The following PRR16 variants were observed in gnomAD, a reference collection of about 807,000 sequenced individuals.
PRR16 encodes proline rich 16.
In PRR16, 6 loss-of-function variants were observed where a neutral mutation model predicts 18.2. The observed-to-expected ratio is 0.33, with a 90% CI of 0.18 to 0.65. The LOEUF is 0.65. PRR16 is among the 30% of genes least tolerant of loss of function. The pLI, the probability that PRR16 is intolerant of heterozygous loss-of-function variation, is 0.74. For missense variants in PRR16, 412 were observed against 376.6 expected (o/e 1.09, Z -0.78); for synonymous variants, 151 against 147.8 (o/e 1.02, Z -0.16).
intron 1 of PRR16, among the ~76,000 whole-genome samples, chr5:120,583,557 A>T (rs962813165): frequency 6.6e-6 from 1 of 152,150 alleles, no homozygotes; most frequent in East Asian, 1.9e-4. Flanking sequence ...AATTTTCTTT[A>T]TGGACCATGA....
chr5:120,530,493 A>T (rs1254589644), intron 1 of PRR16, among the ~76,000 whole-genome samples: 3 of 151,196 alleles, frequency 2.0e-5, no homozygotes, highest in Non-Finnish European at 4.4e-5. Flanking sequence ...TACTTTTTGT[A>T]GTCCCCCATA....
the PRR16 span, among the ~76,000 whole-genome samples, chr5:120,764,124 A>C: frequency 4.6e-5 from 7 of 151,632 alleles, no homozygotes; most frequent in Non-Finnish European, 7.4e-5. Flanking sequence ...AAGAAGACAT[A>C]TTTGTCTTGT....
At chr5:120,646,717 T>A (rs1755614580) in intron 1 of PRR16, among the ~76,000 whole-genome samples, 1 of 152,006 alleles carries the variant, frequency 6.6e-6, no homozygotes, top group Non-Finnish European at 1.5e-5. Flanking sequence ...GCTGTATCAA[T>A]ATTTGGAAAG....
the PRR16 span, among the ~76,000 whole-genome samples, chr5:120,694,188 G>A: frequency 1.3e-5 from 2 of 152,080 alleles, no homozygotes; most frequent in Non-Finnish European, 2.9e-5. Flanking sequence ...TGTTAATATG[G>A]TGGATTGTTT....
At chr5:120,614,188 G>A (rs1224938672) in intron 1 of PRR16, among the ~76,000 whole-genome samples, 1 of 152,164 alleles carries the variant, frequency 6.6e-6, no homozygotes, top group African/African-American at 2.4e-5. Flanking sequence ...TGAGCATAAA[G>A]GAAACAAGGA....
chr5:120,490,660 T>C (rs1440263531), intron 1 of PRR16, among the ~76,000 whole-genome samples: 1 of 152,252 alleles, frequency 6.6e-6, no homozygotes, highest in African/African-American at 2.4e-5. Flanking sequence ...CCTGTCAAAG[T>C]CATTCTCTGT....
chr5:120,549,353 C>T (rs1392642753), intron 1 of PRR16, among the ~76,000 whole-genome samples: 3 of 152,164 alleles, frequency 2.0e-5, no homozygotes, highest in Admixed American at 1.3e-4. Flanking sequence ...CTGAAAATAT[C>T]GTTGTGAGCC....
chr5:120,729,054 A>G, the PRR16 span, among the ~76,000 whole-genome samples: 1 of 152,060 alleles, frequency 6.6e-6, no homozygotes, highest in Non-Finnish European at 1.5e-5. Context: ...GGGTTCTGAT[A>G]GCATATTTTT....
the PRR16 span, among the ~76,000 whole-genome samples, chr5:120,752,698 T>A: frequency 6.6e-6 from 1 of 151,954 alleles, no homozygotes; most frequent in African/African-American, 2.4e-5. Context: ...AGCTCAGAAG[T>A]TTAAAGAATG....
chr5:120,764,575 C>T, the PRR16 span, among the ~76,000 whole-genome samples: 3 of 151,694 alleles, frequency 2.0e-5, no homozygotes, highest in Non-Finnish European at 2.9e-5. Flanking sequence ...AACTAGTTGG[C>T]GAGGTGGCCT....
the PRR16 span, among the ~76,000 whole-genome samples, chr5:120,754,653 T>C: frequency 7.5e-6 from 1 of 133,216 alleles, no homozygotes; most frequent in Non-Finnish European, 1.5e-5. Flanking sequence ...ATTTATATAT[T>C]ATATATTAAG....
intron 1 of PRR16, among the ~76,000 whole-genome samples, chr5:120,629,881 G>GCCCAGA (rs10645024): frequency 0.16 from 24,262 of 151,828 alleles, 2,340 homozygotes; most frequent in South Asian, 0.22. Context: ...CTGCATTGTT[G>GCCCAGA]CTTTCGAGAA....
chr5:120,716,497 G>A, the PRR16 span, among the ~76,000 whole-genome samples: 3 of 152,184 alleles, frequency 2.0e-5, no homozygotes, highest in East Asian at 5.8e-4. Context: ...ACCAGCCCTA[G>A]CCCTTTAAAG....
chr5:120,649,700 A>G (rs1285398838), intron 1 of PRR16, among the ~76,000 whole-genome samples: 1 of 152,118 alleles, frequency 6.6e-6, no homozygotes, highest in African/African-American at 2.4e-5. Context: ...GATTAAGAAA[A>G]TATTTTACAT....
At chr5:120,561,565 G>T (rs1056468939) in intron 1 of PRR16, among the ~76,000 whole-genome samples, 2 of 152,102 alleles carry the variant, frequency 1.3e-5, no homozygotes, top group Non-Finnish European at 2.9e-5. Flanking sequence ...TGACCCATAT[G>T]CTGAAGAAAA....
In PRR16 at chr5:120,467,489, A is replaced by G. The variant is rs138714827; in HGVS notation, c.159+2844A>G. On this transcript the variant is annotated intron_variant, in intron 1 of 1. Transcript: ENST00000407149. ...TTTTTGTGTAATTTCTGCACCAACA[A>G]TATTAAACTTTGGTTTGAGGTTACT... Among the ~76,000 whole-genome samples, 467 of 152,248 alleles carry G rather than the reference A, an allele frequency of 3.1e-3. 4 individuals are homozygous for G. Among genetic ancestry groups the G allele is most frequent in the African/African-American group, 0.011 (451 of 41,566 alleles).
chr5:120,484,603 T>C (rs1172161408), intron 1 of PRR16, among the ~76,000 whole-genome samples: 1 of 146,150 alleles, frequency 6.8e-6, no homozygotes, highest in Non-Finnish European at 1.5e-5. Flanking sequence ...TAATATATAA[T>C]ATATTATACA....
At chr5:120,681,973 C>G (rs1756987778) in intron 1 of PRR16, among the ~76,000 whole-genome samples, 1 of 152,162 alleles carries the variant, frequency 6.6e-6, no homozygotes, top group Non-Finnish European at 1.5e-5. Flanking sequence ...GAGGACACTT[C>G]AGTTCTGAAA....
chr5:120,616,409 C>T (rs974530756), intron 1 of PRR16, among the ~76,000 whole-genome samples: 1 of 152,128 alleles, frequency 6.6e-6, no homozygotes, highest in Admixed American at 6.6e-5. Context: ...ATCAAGAGAT[C>T]ACTTAGCCTC....
Sources: allele counts gnomAD v4.1 joint callset (sites outside exome capture counted in the v4.1 genomes callset), GRCh38; gene constraint gnomAD v4.1.1; transcripts MANE v1.5; gene names NCBI Gene and HGNC (gene_info 2026-07-23, HGNC 2026-07-21).